Variants in FBN3 observed in about 807,000 individuals in gnomAD.
FBN3 encodes the protein fibrillin-3.
A neutral mutation model predicts 330.1 loss-of-function variants in FBN3; 234 were observed. The ratio of observed to expected loss-of-function variants is 0.71; its 90% CI spans 0.64 to 0.79. The LOEUF is 0.79. FBN3 is among the 30% of genes least tolerant of loss of function. The probability of loss-of-function intolerance (pLI) is 0.00; values close to 1 mark genes in which losing one functional copy is unlikely to be tolerated. For missense variants in FBN3, 3,606 were observed against 3,886.9 expected (o/e 0.93, Z 1.92); for synonymous variants, 1,458 against 1,517.3 (o/e 0.96, Z 0.91).
chr19:8,086,393 A>C, intron 54 of FBN3, 68 bp from the exon 55 acceptor site: 3 of 1,312,578 alleles, frequency 2.3e-6, no homozygotes, highest in Non-Finnish European at 3.2e-6. Flanking sequence ...CACAGCCCCA[A>C]AGGGCCCCTT....
intron 18 of FBN3, among the ~76,000 whole-genome samples, chr19:8,127,068 T>TG (rs1300714327): frequency 6.7e-6 from 1 of 148,506 alleles, no homozygotes; most frequent in Non-Finnish European, 1.5e-5. Context: ...TGTTTTTTTT[T>TG]TTTTTTTGAG....
In FBN3 at chr19:8,085,418, G is replaced by A. The variant is rs1457366780; in HGVS notation, c.7032C>T (p.Thr2344=). The A allele has an allele frequency of 1.9e-6, 3 of 1,577,946 alleles. No individual in the cohort carries two copies. Among genetic ancestry groups the A allele is most frequent in the South Asian group, 2.3e-5 (2 of 86,556 alleles). ...GGGGGCACAGCTTCCTGTAGGCAGA[G>A]GTGCCGGGCAGGGGACAGAGCTCGC... ...PRCELCPLPG[T]SAYRKLCPHG... The change falls in exon 56 of 64, where the codon ACC becomes ACT. Residue 2344 remains threonine, a synonymous_variant. Coordinates refer to ENST00000600128, the MANE Select transcript of FBN3 (RefSeq NM_032447.5).
At position 8,129,005 on chromosome 19, in the gene FBN3, C is replaced by T. The variant is rs2083060966; in HGVS notation, c.2296+23G>A. ...TGGAGCATATGTGTGTGTGCAAACC[C>T]ACGTGAGCCCGGGACCCAGTACCTT... On this transcript the variant is annotated intron_variant, in intron 18 of 63. Coordinates refer to ENST00000600128, the MANE Select transcript of FBN3 (RefSeq NM_032447.5). The surrounding 1 kb of genome is among the most constrained non-coding windows in gnomAD (Gnocchi z 4.5). 1 of 1,602,406 alleles carries T rather than the reference C, an allele frequency of 6.2e-7. No individual in the cohort carries two copies. Among genetic ancestry groups the T allele is most frequent in the Admixed American group, 1.7e-5 (1 of 59,324 alleles).
At chr19:8,128,985 C>CAT in intron 18 of FBN3, 43 bp downstream of exon 18, 1 of 1,583,174 alleles carries the variant, frequency 6.3e-7, no homozygotes, top group Non-Finnish European at 8.6e-7. Context: ...TATGTTGGAG[C>CAT]ATATGTGTGT....
In FBN3 at chr19:8,081,343, T is replaced by C. The variant is rs191970710; in HGVS notation, c.7336+15A>G. 1.0e-3 allele frequency: 1,591 copies of C among 1,587,356 alleles called. 16 individuals are homozygous for C. In the African/African-American group the frequency reaches 0.019, roughly 19 times the overall value. ...ATGCAGTGGTGGGAGTGGGGGAGAG[T>C]TGAAAGGACATCACCTTTGCAGGTC... On this transcript the variant is annotated intron_variant, in intron 58 of 63. Transcript: ENST00000600128.
chr19:8,112,151 C>A (rs368882048), intron 30 of FBN3, 52 bp from the exon 31 acceptor site: 31 of 1,588,582 alleles, frequency 2.0e-5, no homozygotes, highest in Non-Finnish European at 2.6e-5. Flanking sequence ...AGGAAAGACT[C>A]GATGCAATAG....
intron 63 of FBN3, among the ~76,000 whole-genome samples, chr19:8,070,650 C>A (rs2081491146): frequency 6.6e-6 from 1 of 152,202 alleles, no homozygotes; most frequent in South Asian, 2.1e-4. Flanking sequence ...CTCTGAACCA[C>A]CACGTTCAAG....
At chr19:8,097,931 T>C (rs2082245139) in intron 41 of FBN3, among the ~76,000 whole-genome samples, 1 of 152,144 alleles carries the variant, frequency 6.6e-6, no homozygotes, top group South Asian at 2.1e-4. Context: ...TGTCCAGAAG[T>C]AGCAAATCAA....
intron 3 of FBN3, 100 bp downstream of exon 3, chr19:8,147,004 G>A: frequency 9.2e-7 from 1 of 1,092,298 alleles, no homozygotes. Context: ...TCAGCCAGAG[G>A]TCCCTGGCTA....
At chr19:8,079,578 C>T (rs575150104) in intron 59 of FBN3, among the ~76,000 whole-genome samples, 2 of 136,808 alleles carry the variant, frequency 1.5e-5, no homozygotes, top group South Asian at 4.5e-4. Flanking sequence ...TTTGAACACA[C>T]TATTCTGTTA....
chr19:8,129,218 G>C lies in FBN3; in HGVS notation c.2170+22C>G. On this transcript the variant is annotated intron_variant, in intron 17 of 63. Coordinates refer to ENST00000600128, the MANE Select transcript of FBN3 (RefSeq NM_032447.5). This position sits in a 1 kb window ranked among gnomAD's most constrained non-coding sequence, Gnocchi z 4.5. ...AGTGGGAGAGGCTGCCCACACATCC[G>C]CCCGCCAGGTGGCATGCTCACCTGT... 6.2e-7 allele frequency: 1 copy of C among 1,612,844 alleles called. No homozygotes were observed. Among genetic ancestry groups the C allele is most frequent in the Non-Finnish European group, 8.5e-7 (1 of 1,179,370 alleles).
intron 59 of FBN3, among the ~76,000 whole-genome samples, chr19:8,078,200 T>C (rs1241257619): frequency 6.6e-6 from 1 of 152,208 alleles, no homozygotes; most frequent in Admixed American, 6.6e-5. Flanking sequence ...ATTAACAGTT[T>C]AGTCATTAGC....
intron 55 of FBN3, 80 bp downstream of exon 55, chr19:8,086,120 A>AACAGGCAGTGGGGGGGGG: frequency 2.0e-5 from 16 of 782,466 alleles, no homozygotes; most frequent in East Asian, 1.4e-4. Flanking sequence ...CAGTGGGGGG[A>AACAGGCAGTGGGGGGGGG]ACAGGCAGTG....
In FBN3 at chr19:8,131,431, C is replaced by T. The variant is rs2083143716; in HGVS notation, c.1990+123G>A. The T allele has an allele frequency of 2.0e-6, 3 of 1,466,916 alleles. No individual in the cohort carries two copies. The highest frequency in any genetic ancestry group is 1.3e-5 in the South Asian group (1 of 78,702). 90.9% of individuals were successfully genotyped at this position (1,466,916 alleles called of 1,614,324 possible). On this transcript the variant is annotated intron_variant, in intron 15 of 63. Coordinates refer to ENST00000600128, the MANE Select transcript of FBN3 (RefSeq NM_032447.5). This position sits in a 1 kb window ranked among gnomAD's most constrained non-coding sequence, Gnocchi z 4.5. ...TCCAACCCCGGGGAGGGAGCAACTC[C>T]CTTCAGCCTCTTTTTGGGAAGAGCC...
At chr19:8,078,599 G>C (rs552313703) in intron 59 of FBN3, among the ~76,000 whole-genome samples, 1 of 148,866 alleles carries the variant, frequency 6.7e-6, no homozygotes, top group South Asian at 2.1e-4. Flanking sequence ...TTTTTTAATA[G>C]AGATGGGGTC....
chr19:8,135,940 A>ACCCCCCCCCCCCCCCC, intron 13 of FBN3, 21 bp downstream of exon 13: 3 of 168,344 alleles, frequency 1.8e-5, no homozygotes, highest in South Asian at 3.9e-5. Flanking sequence ...GCCCCTGCCC[A>ACCCCCCCCCCCCCCCC]CCCGCCCACC....
intron 42 of FBN3, 77 bp downstream of exon 42, chr19:8,097,212 G>C (rs1046859322): frequency 7.1e-6 from 11 of 1,539,792 alleles, no homozygotes; most frequent in Admixed American, 1.9e-5. Flanking sequence ...CAGAGTTTTA[G>C]TTACTCGCCC....
intron 16 of FBN3, among the ~76,000 whole-genome samples, chr19:8,130,635 A>AGGAAGGAAGGAAGGAAGGAAG (rs764420258): frequency 2.0e-4 from 1 of 4,898 alleles, no homozygotes; most frequent in Non-Finnish European, 3.3e-4. Context: ...AAAGAAAGAA[A>AGGAAGGAAGGAAGGAAGGAAG]GAAAGAAAGG....
In FBN3 at chr19:8,073,256, C is replaced by A. The variant is rs564634841; in HGVS notation, c.7744G>T (p.Ala2582Ser). Residue 2582 changes from alanine (A) to serine (S), a missense_variant, in exon 62 of 64, where the codon GCC (alanine) becomes TCC (serine). Transcript: ENST00000600128. ...CALSPPTCGS[A>S]SCRNTLGGFR... ...CCACCAAGAGTGTTGCGACAGGAGG[C>A]GCTCCCGCAGGTGGGGGGCGACAGG... The A allele has an allele frequency of 8.1e-6, 13 of 1,613,716 alleles. No homozygotes were observed. The African/African-American group carries it at 1.7e-4, about 22-fold the overall frequency.
Sources: gnomAD v4.1 joint callset for allele counts (sites outside exome capture counted in the v4.1 genomes callset) on GRCh38, gnomAD v4.1.1 for gene constraint, Gnocchi (gnomAD v3.1) non-coding constraint, MANE v1.5 for transcripts, NCBI Gene and HGNC (gene_info 2026-07-23, HGNC 2026-07-21) for gene names.